The following JAZF1 variants were observed in gnomAD, a reference collection of about 807,000 sequenced individuals.
The protein encoded by JAZF1 is JAZF zinc finger 1.
JAZF1 carries 8 observed loss-of-function variants against 26.4 expected under a neutral mutation model. The ratio of observed to expected loss-of-function variants is 0.30; its 90% CI spans 0.18 to 0.55. JAZF1 has a LOEUF of 0.55. Ranked by LOEUF, JAZF1 falls within the 20% of genes least tolerant of loss-of-function variation. The probability of loss-of-function intolerance (pLI) is 0.94; values close to 1 mark genes in which losing one functional copy is unlikely to be tolerated. For synonymous variants in JAZF1, 126 were observed against 122.3 expected (o/e 1.03, Z -0.20); for missense variants, 199 against 322.0 (o/e 0.62, Z 2.92).
At chr7:27,897,619 T>C (rs1372943268) in intron 2 of JAZF1, among the ~76,000 whole-genome samples, 1 of 152,236 alleles carries the variant, frequency 6.6e-6, no homozygotes, top group Middle Eastern at 3.2e-3. Flanking sequence ...AGCTATCTGA[T>C]AGGAAGCCAA....
intron 1 of JAZF1, among the ~76,000 whole-genome samples, chr7:28,130,638 A>C (rs991685128): frequency 1.3e-5 from 2 of 152,190 alleles, no homozygotes; most frequent in Non-Finnish European, 2.9e-5. Context: ...GACGCTACTA[A>C]ACAGCATCTG....
chr7:28,119,047 T>G (rs1438365940), intron 1 of JAZF1, among the ~76,000 whole-genome samples: 5 of 152,186 alleles, frequency 3.3e-5, no homozygotes, highest in Admixed American at 3.3e-4. Flanking sequence ...AAGACCTCTG[T>G]GCTGTTAAAA....
At chr7:28,128,853 C>T (rs971919625) in intron 1 of JAZF1, among the ~76,000 whole-genome samples, 2 of 152,172 alleles carry the variant, frequency 1.3e-5, no homozygotes, top group Admixed American at 1.3e-4. Flanking sequence ...AATTCTTTCA[C>T]ATAATGACTT....
chr7:28,016,777 G>A (rs1170915251), intron 1 of JAZF1, among the ~76,000 whole-genome samples: 2 of 152,224 alleles, frequency 1.3e-5, no homozygotes, highest in East Asian at 1.9e-4. Flanking sequence ...CCAGGGGATC[G>A]TTCTCTGCTT....
intron 2 of JAZF1, among the ~76,000 whole-genome samples, chr7:27,923,736 G>T (rs759775960): frequency 6.6e-6 from 1 of 152,176 alleles, no homozygotes; most frequent in Non-Finnish European, 1.5e-5. Context: ...TAGGCCAAAC[G>T]TATTTGCATA....
At chr7:28,088,846 A>C (rs1784249216) in intron 1 of JAZF1, among the ~76,000 whole-genome samples, 1 of 152,246 alleles carries the variant, frequency 6.6e-6, no homozygotes, top group South Asian at 2.1e-4. Flanking sequence ...AATCTCTCTC[A>C]GGATAAATTC....
At chr7:28,145,774 G>A (rs956386858) in intron 1 of JAZF1, among the ~76,000 whole-genome samples, 1 of 151,158 alleles carries the variant, frequency 6.6e-6, no homozygotes, top group Non-Finnish European at 1.5e-5. Context: ...GTGCTTCTTC[G>A]TACAATCTCC....
chr7:27,930,351 T>TACATGTATCTTTCATGTAAGA (rs1180849994), intron 2 of JAZF1, among the ~76,000 whole-genome samples: 2 of 152,214 alleles, frequency 1.3e-5, no homozygotes, highest in African/African-American at 4.8e-5. Context: ...AACACAGTTA[T>TACATGTATCTTTCATGTAAGA]TACAATACTA....
intron 2 of JAZF1, chr7:27,914,728 A>G: frequency 2.1e-6 from 1 of 471,086 alleles, no homozygotes; most frequent in South Asian, 1.5e-5. Context: ...GGCAACAGTT[A>G]CCTTTCATTT....
intron 2 of JAZF1, among the ~76,000 whole-genome samples, chr7:27,898,304 T>TATATATATATATATACACAC (rs375859244): frequency 7.8e-6 from 1 of 128,930 alleles, no homozygotes; most frequent in Non-Finnish European, 1.6e-5. Flanking sequence ...TATATATATA[T>TATATATATATATATACACAC]ACATCGGTTT....
chr7:27,896,316 G>C (rs974648383), intron 2 of JAZF1, among the ~76,000 whole-genome samples: 9 of 151,644 alleles, frequency 5.9e-5, no homozygotes, highest in Non-Finnish European at 1.0e-4. Flanking sequence ...CTATGAAATG[G>C]TATCTCCTAC....
At chr7:28,061,325 A>G (rs566888949) in intron 1 of JAZF1, among the ~76,000 whole-genome samples, 27 of 152,352 alleles carry the variant, frequency 1.8e-4, no homozygotes, top group African/African-American at 6.5e-4. Context: ...TATAAAATCA[A>G]GCTCTGCAAA....
chr7:28,067,914 T>C (rs1562576349), intron 1 of JAZF1, among the ~76,000 whole-genome samples: 1 of 152,134 alleles, frequency 6.6e-6, no homozygotes, highest in South Asian at 2.1e-4. Flanking sequence ...AGTAGTTTTT[T>C]TCGTTTGTTT....
chr7:28,052,768 A>C (rs1783636077), intron 1 of JAZF1, among the ~76,000 whole-genome samples: 1 of 152,212 alleles, frequency 6.6e-6, no homozygotes, highest in African/African-American at 2.4e-5. Context: ...ACATCCACAA[A>C]GATGAGGAAT....
intron 1 of JAZF1, among the ~76,000 whole-genome samples, chr7:28,133,568 C>T (rs1303897275): frequency 6.6e-6 from 1 of 152,156 alleles, no homozygotes; most frequent in Non-Finnish European, 1.5e-5. Flanking sequence ...CTTAGTCTCA[C>T]TAAAAAGGAA....
At chr7:28,139,862 C>T (rs2127945245) in intron 1 of JAZF1, among the ~76,000 whole-genome samples, 1 of 152,194 alleles carries the variant, frequency 6.6e-6, no homozygotes, top group Non-Finnish European at 1.5e-5. Flanking sequence ...GAACTTAGAG[C>T]AGGGTAGGAG....
At position 28,180,630 on chromosome 7, in the gene JAZF1, G is replaced by A. The variant is rs1297354869; in HGVS notation, c.-53C>T. 3.7e-5 allele frequency: 46 copies of A among 1,232,030 alleles called. No homozygotes were observed. The East Asian group carries it at 9.8e-4, about 26-fold the overall frequency. 76.3% of individuals were successfully genotyped at this position (1,232,030 alleles called of 1,614,324 possible). A position where few individuals can be genotyped will look rare whatever the true frequency, so the allele number is the denominator to read the frequency against. On this transcript the variant is annotated 5_prime_UTR_variant, in exon 1 of 5. Coordinates refer to ENST00000283928, the MANE Select transcript of JAZF1 (RefSeq NM_175061.4). Reference sequence around the variant, plus strand: ...TCGGCTCTGCGAGCGCCGGGCGGGCGAGGGAGGGAGGGAGGCCGGGTGGGG... The same window carrying A: ...TCGGCTCTGCGAGCGCCGGGCGGGCAAGGGAGGGAGGGAGGCCGGGTGGGG...
In JAZF1 at chr7:27,840,873, G is replaced by A. The variant is rs200732981; in HGVS notation, c.386-6C>T. 1.2e-4 allele frequency: 200 copies of A among 1,613,614 alleles called. No homozygotes were observed. Among genetic ancestry groups the A allele is most frequent in the Non-Finnish European group, 1.7e-4 (195 of 1,179,838 alleles). ...CTCCTCGTCATACTCGCTGCCTGCA[G>A]GACAAGAGAAGTGCAAGGACTGTCA... On this transcript the variant is annotated splice_polypyrimidine_tract_variant and splice_region_variant and intron_variant, in intron 3 of 4. Coordinates refer to ENST00000283928, the MANE Select transcript of JAZF1 (RefSeq NM_175061.4). This position sits in a 1 kb window ranked among gnomAD's most constrained non-coding sequence, Gnocchi z 5.1.
At chr7:27,910,715 C>T (rs1034515760) in intron 2 of JAZF1, among the ~76,000 whole-genome samples, 5 of 152,178 alleles carry the variant, frequency 3.3e-5, no homozygotes, top group Admixed American at 1.3e-4. Flanking sequence ...CCATTACTTG[C>T]GTATGCAGGA....
Sources: allele counts gnomAD v4.1 joint callset (sites outside exome capture counted in the v4.1 genomes callset), GRCh38; gene constraint gnomAD v4.1.1; non-coding constraint Gnocchi (gnomAD v3.1); transcripts MANE v1.5; gene names NCBI Gene and HGNC (gene_info 2026-07-23, HGNC 2026-07-21).